The following WDR48 variants were observed in gnomAD, a reference collection of about 807,000 sequenced individuals.
The protein encoded by WDR48 is WD repeat domain 48.
WDR48 carries 22 observed loss-of-function variants against 94.0 expected under a neutral mutation model. The ratio of observed to expected loss-of-function variants is 0.23; its 90% CI spans 0.17 to 0.33. The LOEUF (loss-of-function observed/expected upper bound fraction) is 0.33, where lower values mean the gene tolerates loss of function less well. WDR48 is among the 10% of genes least tolerant of loss of function. WDR48 has a pLI of 1.00. For synonymous variants in WDR48, 278 were observed against 280.5 expected (o/e 0.99, Z 0.09); for missense variants, 541 against 813.8 (o/e 0.66, Z 4.08).
intron 8 of WDR48, among the ~76,000 whole-genome samples, chr3:39,076,511 G>C (rs973403095): frequency 6.6e-5 from 10 of 152,186 alleles, no homozygotes; most frequent in African/African-American, 2.2e-4. Flanking sequence ...GAACTGAGGA[G>C]GATTGCTGCT....
rs529908134 is a variant in WDR48 at position 39,094,802 on chromosome 3, A to T, written c.*59A>T. The T allele has an allele frequency of 1.6e-5, 26 of 1,589,416 alleles. 1 individual carries two copies. The highest frequency in any genetic ancestry group is 1.0e-4 in the South Asian group (9 of 87,716). On this transcript the variant is annotated 3_prime_UTR_variant, in exon 19 of 19. Transcript: ENST00000302313. ...GACCTTCCTCTATGGCCCCAAGAGTAGTCCTAGGAAGCCCACTGATCCCCA... is the reference window on the plus strand; with the variant it reads ...GACCTTCCTCTATGGCCCCAAGAGTTGTCCTAGGAAGCCCACTGATCCCCA...
chr3:39,088,245 A>G lies in WDR48; in HGVS notation c.1580+12A>G. 1.9e-6 allele frequency: 3 copies of G among 1,613,566 alleles called. No individual in the cohort carries two copies. The highest frequency in any genetic ancestry group is 2.5e-6 in the Non-Finnish European group (3 of 1,179,596). Reference sequence around the variant, plus strand: ...CGCACACTGTTCAGGTATGGGTAAGAAAGACAAGAGGTTCTGCCTGAGAAG... The same window carrying G: ...CGCACACTGTTCAGGTATGGGTAAGGAAGACAAGAGGTTCTGCCTGAGAAG... On this transcript the variant is annotated intron_variant, in intron 15 of 18. Transcript: ENST00000302313.
intron 5 of WDR48, 138 bp downstream of exon 5, chr3:39,067,013 G>GC: frequency 1.0e-6 from 1 of 963,564 alleles, no homozygotes; most frequent in Non-Finnish European, 1.5e-6. Flanking sequence ...CAGCGTTCTG[G>GC]CCCCCAAGAG....
At chr3:39,092,383 A>C (rs990379336) in intron 17 of WDR48, among the ~76,000 whole-genome samples, 1 of 152,200 alleles carries the variant, frequency 6.6e-6, no homozygotes, top group East Asian at 1.9e-4. Flanking sequence ...AGAACTTCAA[A>C]AGATAGATAT....
intron 11 of WDR48, among the ~76,000 whole-genome samples, chr3:39,081,925 A>C (rs752008405): frequency 6.6e-6 from 1 of 152,216 alleles, no homozygotes; most frequent in Non-Finnish European, 1.5e-5. Context: ...TTTTGATATC[A>C]AATGATCTGG....
At chr3:39,081,342 A>G (rs1463639706) in intron 11 of WDR48, among the ~76,000 whole-genome samples, 1 of 152,200 alleles carries the variant, frequency 6.6e-6, no homozygotes, top group Non-Finnish European at 1.5e-5. Context: ...CTTGACTACC[A>G]TTTTTGCTCC....
At chr3:39,061,656 ATTCT>A (rs1254961079) in intron 1 of WDR48, among the ~76,000 whole-genome samples, 1 of 152,152 alleles carries the variant, frequency 6.6e-6, no homozygotes, top group African/African-American at 2.4e-5. Context: ...CTAGTTGTAG[ATTCT>A]TGAGGAATCG....
chr3:39,092,625 A>G (rs2035138610), intron 17 of WDR48, among the ~76,000 whole-genome samples: 1 of 152,210 alleles, frequency 6.6e-6, no homozygotes, highest in South Asian at 2.1e-4. Context: ...AATGTGGGAT[A>G]TGGTCCAGGG....
Position 39,052,079 on chromosome 3 carries a change from G to A in WDR48, c.48+6G>A, listed in dbSNP as rs1387758097. On this transcript the variant is annotated splice_donor_region_variant and intron_variant, in intron 1 of 18. Transcript: ENST00000302313. ...CAGGGCGGAGGAAAGTGCAGGTATG[G>A]AAGCCCGGTTCCTCGGTCTTCCGGA... 2.5e-6 allele frequency: 4 copies of A among 1,613,474 alleles called. No individual in the cohort carries two copies. Among genetic ancestry groups the A allele is most frequent in the Non-Finnish European group, 3.4e-6 (4 of 1,179,850 alleles).
chr3:39,077,166 C>T lies in WDR48; in HGVS notation c.925C>T (p.Pro309Ser), dbSNP rs761841881. ...GGAGCTTGATAGATCAGCTGATCCT[C>T]CTCCTGCAATTTGGGTTGCAACAAC... ...KMELDRSADPPPAIWVATTKS... is the reference protein window; with the variant it reads ...KMELDRSADPSPAIWVATTKS... The change falls in exon 9 of 19, where the codon CCT (proline) becomes TCT (serine). Residue 309 changes from proline to serine, a missense_variant. By Grantham distance (74) the Pro-to-Ser change is moderately conservative. Transcript: ENST00000302313. The T allele has an allele frequency of 1.9e-6, 3 of 1,614,026 alleles. No homozygotes were observed. The African/African-American group carries it at 4.0e-5, about 22-fold the overall frequency.
At chr3:39,054,490 T>A (rs2032721626) in intron 1 of WDR48, among the ~76,000 whole-genome samples, 1 of 152,272 alleles carries the variant, frequency 6.6e-6, no homozygotes, top group Non-Finnish European at 1.5e-5. Context: ...CTATACCTCT[T>A]GCTGTTTGTG....
intron 1 of WDR48, among the ~76,000 whole-genome samples, chr3:39,062,642 A>G (rs900546351): frequency 6.6e-5 from 10 of 152,224 alleles, no homozygotes; most frequent in African/African-American, 1.9e-4. Flanking sequence ...AGCAGAGATG[A>G]GTGGCCAGAA....
intron 2 of WDR48, among the ~76,000 whole-genome samples, chr3:39,064,304 C>A (rs888158199): frequency 6.8e-6 from 1 of 146,388 alleles, no homozygotes; most frequent in African/African-American, 2.5e-5. Context: ...GATGGAGTCT[C>A]GCTCTGTCAC....
chr3:39,078,265 C>G (rs1017359281), intron 10 of WDR48, 26 bp downstream of exon 10: 1 of 1,515,168 alleles, frequency 6.6e-7, no homozygotes, highest in African/African-American at 1.4e-5. Flanking sequence ...GTACTGTACC[C>G]CTTATTGAAG....
At position 39,064,460 on chromosome 3, in the gene WDR48, A is replaced by G. The variant is rs188498704; in HGVS notation, c.189+1270A>G. Among the ~76,000 whole-genome samples the G allele has an allele frequency of 2.0e-4, 30 of 152,194 alleles. No homozygotes were observed. In the East Asian group the frequency reaches 5.8e-3, roughly 29 times the overall value. ...CAGCTAATTTTTATAATTTTAGTAG[A>G]GACGGGGTTTCACCATGTGGGTCAG... is the stretch of plus-strand genomic sequence containing the variant. On this transcript the variant is annotated intron_variant, in intron 2 of 18. Coordinates refer to ENST00000302313, the MANE Select transcript of WDR48 (RefSeq NM_020839.4).
At chr3:39,089,476 A>G (rs941654324) in intron 16 of WDR48, 158 bp downstream of exon 16, 1 of 490,500 alleles carries the variant, frequency 2.0e-6, no homozygotes, top group Non-Finnish European at 3.5e-6. Flanking sequence ...CAGAAATAGT[A>G]CTGATAATTA....
At position 39,060,278 on chromosome 3, in the gene WDR48, T is replaced by C. The variant is rs574845843; in HGVS notation, c.49-2772T>C. ...GGCAATTACTAATCTACTTTCTGTGTGGATTTGTCTATCCTAGACATTATA... is the reference window on the plus strand; with the variant it reads ...GGCAATTACTAATCTACTTTCTGTGCGGATTTGTCTATCCTAGACATTATA... On this transcript the variant is annotated intron_variant, in intron 1 of 18. Transcript: ENST00000302313. Among the ~76,000 whole-genome samples, 341 of 152,266 alleles carry C rather than the reference T, an allele frequency of 2.2e-3. 1 individual carries two copies. The highest frequency in any genetic ancestry group is 7.8e-3 in the African/African-American group (324 of 41,540).
At chr3:39,093,435 C>G (rs933132214) in intron 17 of WDR48, among the ~76,000 whole-genome samples, 4 of 152,178 alleles carry the variant, frequency 2.6e-5, no homozygotes, top group Non-Finnish European at 5.9e-5. Context: ...CGTATCTTGG[C>G]TCACTGCAGC....
chr3:39,078,607 TG>T (rs1227373342), intron 10 of WDR48, among the ~76,000 whole-genome samples: 1 of 151,862 alleles, frequency 6.6e-6, no homozygotes, highest in African/African-American at 2.4e-5. Flanking sequence ...TTAGTAGAGA[TG>T]GGGTTTCATC....
Sources: gnomAD v4.1 joint callset for allele counts (sites outside exome capture counted in the v4.1 genomes callset) on GRCh38, gnomAD v4.1.1 for gene constraint, MANE v1.5 for transcripts, NCBI Gene and HGNC (gene_info 2026-07-23, HGNC 2026-07-21) for gene names.